Variants in USP34 observed in about 807,000 individuals in gnomAD.
USP34 encodes ubiquitin specific peptidase 34.
A neutral mutation model predicts 460.3 loss-of-function variants in USP34; 70 were observed. The ratio of observed to expected loss-of-function variants is 0.15; its 90% CI spans 0.13 to 0.19. The LOEUF (loss-of-function observed/expected upper bound fraction) is 0.19, where lower values mean the gene tolerates loss of function less well. Among genes scored for constraint, USP34 ranks in the 10% least tolerant of loss-of-function variants. The pLI, the probability that USP34 is intolerant of heterozygous loss-of-function variation, is 1.00. For missense variants in USP34, 3,985 were observed against 4,236.2 expected (o/e 0.94, Z 1.65); for synonymous variants, 1,647 against 1,405.3 (o/e 1.17, Z -3.85).
At chr2:61,452,043 G>C (rs191060717) in intron 1 of USP34, among the ~76,000 whole-genome samples, 1 of 151,218 alleles carries the variant, frequency 6.6e-6, no homozygotes, top group Non-Finnish European at 1.5e-5. Context: ...GCGTGGTGGC[G>C]GGCGCCTGTA....
chr2:61,388,895 C>A (rs553376155), intron 5 of USP34, among the ~76,000 whole-genome samples: 1 of 151,436 alleles, frequency 6.6e-6, no homozygotes, highest in African/African-American at 2.4e-5. Flanking sequence ...ATGCTGACAC[C>A]CATATGAACT....
chr2:61,211,380 T>C (rs1687268773), intron 69 of USP34, among the ~76,000 whole-genome samples: 2 of 152,212 alleles, frequency 1.3e-5, no homozygotes, highest in East Asian at 3.8e-4. Flanking sequence ...CCAAGTCATA[T>C]AGATCAGAAA....
chr2:61,277,836 T>C, intron 41 of USP34: 1 of 224,450 alleles, frequency 4.5e-6, no homozygotes, highest in African/African-American at 2.3e-5. Context: ...GTTTCCCCCA[T>C]ACTGTTCTTG....
Position 61,295,263 on chromosome 2 carries a change from G to C in USP34, c.4282C>G (p.Leu1428Val). Reference protein sequence around the residue: ...QSNDGFNWKELLKIKSAHKLL... With the variant: ...QSNDGFNWKEVLKIKSAHKLL... ...TTGTGGGCGCTCTTAATTTTGAGAA[G>C]TTCTTTCCAATTAAATCCATCATTA... The change falls in exon 31 of 80, where the codon CTT becomes GTT. Residue 1428 changes from leucine (L) to valine (V), a missense_variant. By Grantham distance (32) the Leu-to-Val change is conservative (BLOSUM62 1). Around this residue, in one of 14 missense-constraint regions of USP34, gnomAD observed 1,114 missense variants for 1,122.5 expected, o/e 0.99. Transcript: ENST00000398571. The C allele has an allele frequency of 6.2e-7, 1 of 1,605,600 alleles. No homozygotes were observed. Among genetic ancestry groups the C allele is most frequent in the Non-Finnish European group, 8.5e-7 (1 of 1,176,872 alleles).
chr2:61,426,282 C>T (rs559660077), intron 1 of USP34, among the ~76,000 whole-genome samples: 3 of 152,198 alleles, frequency 2.0e-5, no homozygotes, highest in African/African-American at 4.8e-5. Flanking sequence ...GGTAGAGCAC[C>T]AGTTGATTCT....
intron 10 of USP34, among the ~76,000 whole-genome samples, chr2:61,354,218 A>T (rs1692039231): frequency 6.6e-6 from 1 of 152,212 alleles, no homozygotes; most frequent in Admixed American, 6.5e-5. Context: ...ATGCAATCAG[A>T]ATGTAGGAAG....
intron 3 of USP34, among the ~76,000 whole-genome samples, chr2:61,400,195 C>T (rs1360701847): frequency 3.3e-5 from 5 of 151,642 alleles, no homozygotes; most frequent in East Asian, 1.9e-4. Flanking sequence ...TTACAAGCTC[C>T]GCCTCCCGGG....
chr2:61,333,519 T>A (rs2103736043), intron 19 of USP34, among the ~76,000 whole-genome samples: 1 of 152,148 alleles, frequency 6.6e-6, no homozygotes, highest in East Asian at 1.9e-4. Context: ...AAACATGACA[T>A]TAGGTCTACA....
intron 58 of USP34, among the ~76,000 whole-genome samples, chr2:61,231,998 T>G (rs1186928935): frequency 6.6e-6 from 1 of 151,976 alleles, no homozygotes; most frequent in African/African-American, 2.4e-5. Flanking sequence ...TTAAATTTCA[T>G]TGTCTATTTT....
At chr2:61,340,975 C>G (rs1450733482) in intron 16 of USP34, among the ~76,000 whole-genome samples, 2 of 151,864 alleles carry the variant, frequency 1.3e-5, no homozygotes, top group African/African-American at 4.8e-5. Flanking sequence ...AGGAAGTTCC[C>G]TTGTGATCCT....
chr2:61,331,248 G>T (rs776242025), intron 20 of USP34, 28 bp downstream of exon 20: 28 of 1,558,888 alleles, frequency 1.8e-5, no homozygotes, highest in Non-Finnish European at 2.2e-5. Context: ...CGACACAAAT[G>T]TATTTAACCC....
At chr2:61,427,373 T>A (rs568673650) in intron 1 of USP34, among the ~76,000 whole-genome samples, 1 of 152,252 alleles carries the variant, frequency 6.6e-6, no homozygotes, top group Non-Finnish European at 1.5e-5. Context: ...GAAGGACAGC[T>A]TCAAATAAGG....
intron 61 of USP34, 110 bp from the exon 62 acceptor site, chr2:61,227,328 T>A: frequency 2.4e-6 from 3 of 1,253,932 alleles, no homozygotes; most frequent in Non-Finnish European, 2.2e-6. Context: ...GCTTGTAACA[T>A]GAAAAACAAC....
At chr2:61,469,815 G>A (rs1558614264) in intron 1 of USP34, among the ~76,000 whole-genome samples, 1 of 152,140 alleles carries the variant, frequency 6.6e-6, no homozygotes, top group Non-Finnish European at 1.5e-5. Flanking sequence ...TAGTTGATTT[G>A]CAATATATCT....
chr2:61,299,422 C>T (rs1357912875), intron 29 of USP34, among the ~76,000 whole-genome samples: 1 of 152,122 alleles, frequency 6.6e-6, no homozygotes, highest in African/African-American at 2.4e-5. Flanking sequence ...TTGAATATGG[C>T]TCCTTTAGGT....
At chr2:61,329,043 C>T (rs147773107) in intron 20 of USP34, among the ~76,000 whole-genome samples, 84 of 152,244 alleles carry the variant, frequency 5.5e-4, no homozygotes, top group African/African-American at 1.9e-3. Flanking sequence ...GTTTTTGAGA[C>T]GGAGTTTCAC....
chr2:61,354,374 C>T (rs1256925745), intron 10 of USP34, among the ~76,000 whole-genome samples: 1 of 152,156 alleles, frequency 6.6e-6, no homozygotes, highest in African/African-American at 2.4e-5. Context: ...AAAAATCTTG[C>T]AATAAGAATT....
intron 3 of USP34, among the ~76,000 whole-genome samples, chr2:61,404,338 A>T (rs1165927943): frequency 1.3e-5 from 2 of 152,186 alleles, no homozygotes; most frequent in East Asian, 1.9e-4. Flanking sequence ...GATGCACAGG[A>T]AACAATGTAT....
intron 1 of USP34, among the ~76,000 whole-genome samples, chr2:61,447,271 A>C (rs1329355140): frequency 3.3e-5 from 5 of 149,918 alleles, no homozygotes; most frequent in Admixed American, 3.3e-4. Flanking sequence ...AAAAAAAAAA[A>C]AAAAAAAAAA....
Sources: gnomAD v4.1 joint callset for allele counts (sites outside exome capture counted in the v4.1 genomes callset) on GRCh38, gnomAD v4.1.1 for gene constraint, gnomAD v4.1.1 regional missense constraint, MANE v1.5 for transcripts, NCBI Gene and HGNC (gene_info 2026-07-23, HGNC 2026-07-21) for gene names.